CDK15: variants seen among roughly 807,000 people sequenced by gnomAD.
CDK15 encodes the protein cyclin dependent kinase 15.
CDK15 carries 62 observed loss-of-function variants against 60.3 expected under a neutral mutation model. The ratio of observed to expected loss-of-function variants is 1.03; its 90% CI spans 0.84 to 1.27. The LOEUF is 1.27. CDK15 is among the 50% of genes most tolerant of loss of function. The pLI, the probability that CDK15 is intolerant of heterozygous loss-of-function variation, is 0.00. For synonymous variants in CDK15, 194 were observed against 195.7 expected (o/e 0.99, Z 0.07); for missense variants, 541 against 527.8 (o/e 1.03, Z -0.25).
chr2:201,876,547 C>G, intron 11 of CDK15: 1 of 1,285,556 alleles, frequency 7.8e-7, no homozygotes, highest in Non-Finnish European at 1.0e-6. Context: ...CACTTGCCCG[C>G]TTTGCCCTGG....
intron 8 of CDK15, among the ~76,000 whole-genome samples, chr2:201,846,192 G>A (rs978279770): frequency 1.3e-5 from 2 of 151,972 alleles, no homozygotes; most frequent in African/African-American, 2.4e-5. Flanking sequence ...AAATGAGCCA[G>A]CATCAAAACG....
intron 10 of CDK15, chr2:201,861,133 G>C: frequency 9.7e-6 from 10 of 1,033,296 alleles, no homozygotes; most frequent in Non-Finnish European, 1.2e-5. Context: ...GTAAGTCCAA[G>C]CTCCCCCTTT....
At chr2:201,814,817 T>C (rs576032697) in intron 4 of CDK15, among the ~76,000 whole-genome samples, 3 of 152,218 alleles carry the variant, frequency 2.0e-5, no homozygotes, top group Non-Finnish European at 2.9e-5. Context: ...TTTTACTACA[T>C]ATATGGTCTC....
At chr2:201,858,269 A>G (rs1698230285) in intron 10 of CDK15, among the ~76,000 whole-genome samples, 1 of 152,356 alleles carries the variant, frequency 6.6e-6, no homozygotes, top group South Asian at 2.1e-4. Flanking sequence ...CCATCAATTC[A>G]GATTCTAGTG....
chr2:201,875,214 C>T (rs1353318542), intron 11 of CDK15, among the ~76,000 whole-genome samples: 1 of 152,138 alleles, frequency 6.6e-6, no homozygotes, highest in Non-Finnish European at 1.5e-5. Context: ...AGGATTGATA[C>T]ACAATTTTAA....
At chr2:201,807,725 A>G in intron 2 of CDK15, 82 bp downstream of exon 2, 1 of 1,583,440 alleles carries the variant, frequency 6.3e-7, no homozygotes, top group Non-Finnish European at 8.6e-7. Flanking sequence ...CAGGGCAATT[A>G]CTGAGCGAGC....
chr2:201,847,559 T>A (rs2105775222), intron 9 of CDK15, 85 bp downstream of exon 9: 2 of 1,098,418 alleles, frequency 1.8e-6, no homozygotes, highest in South Asian at 2.6e-5. Flanking sequence ...AATGAAGCAG[T>A]CCATCTGCTC....
intron 8 of CDK15, among the ~76,000 whole-genome samples, chr2:201,839,799 G>A (rs1574885435): frequency 6.6e-6 from 1 of 152,254 alleles, no homozygotes; most frequent in East Asian, 1.9e-4. Context: ...CTATAAGTTT[G>A]AAATTATTTC....
chr2:201,868,561 T>C (rs908077652), intron 10 of CDK15, among the ~76,000 whole-genome samples: 1 of 152,186 alleles, frequency 6.6e-6, no homozygotes, highest in African/African-American at 2.4e-5. Context: ...TTCAGGTGAA[T>C]ACCACCTTCA....
chr2:201,818,801 T>C (rs1285149964), intron 4 of CDK15, among the ~76,000 whole-genome samples: 1 of 152,048 alleles, frequency 6.6e-6, no homozygotes, highest in African/African-American at 2.4e-5. Flanking sequence ...GGGAGACAAC[T>C]AAAAGAAAGA....
chr2:201,869,634 A>G (rs1214629391), intron 10 of CDK15, among the ~76,000 whole-genome samples: 1 of 152,204 alleles, frequency 6.6e-6, no homozygotes, highest in East Asian at 1.9e-4. Flanking sequence ...AAACTGAAGC[A>G]GCAGAGTCTG....
chr2:201,874,043 G>A, intron 11 of CDK15, among the ~76,000 whole-genome samples: 1 of 137,810 alleles, frequency 7.3e-6, no homozygotes, highest in Non-Finnish European at 1.5e-5. Flanking sequence ...GACAGAGTGA[G>A]ACTCCGTCTC....
intron 7 of CDK15, among the ~76,000 whole-genome samples, chr2:201,835,188 C>G (rs1476163528): frequency 6.6e-6 from 1 of 152,302 alleles, no homozygotes; most frequent in East Asian, 1.9e-4. Flanking sequence ...CTGACCTAAG[C>G]AGGCAGAGCA....
chr2:201,809,105 G>T lies in CDK15; in HGVS notation c.368+1153G>T, dbSNP rs528314031. Among the ~76,000 whole-genome samples, 6 of 152,104 alleles carry T rather than the reference G, an allele frequency of 3.9e-5. No homozygotes were observed. The East Asian group carries it at 1.2e-3, about 29-fold the overall frequency. Reference sequence around the variant, plus strand: ...GTACCTTAACTTTTTTCAATGCTGAGAACATCTGCAATAAAGGACCACATT... The same window carrying T: ...GTACCTTAACTTTTTTCAATGCTGATAACATCTGCAATAAAGGACCACATT... On this transcript the variant is annotated intron_variant, in intron 3 of 13. Transcript: ENST00000652192.
intron 6 of CDK15, among the ~76,000 whole-genome samples, chr2:201,832,741 T>C (rs950519413): frequency 2.0e-5 from 3 of 152,228 alleles, no homozygotes; most frequent in Non-Finnish European, 4.4e-5. Context: ...TTGGCTCCAA[T>C]GTCTCCAGGT....
At chr2:201,858,148 G>A (rs1698223669) in intron 10 of CDK15, among the ~76,000 whole-genome samples, 1 of 152,148 alleles carries the variant, frequency 6.6e-6, no homozygotes, top group Non-Finnish European at 1.5e-5. Flanking sequence ...GGACAGCAAA[G>A]TTTCCATTTG....
At chr2:201,845,975 A>G (rs557032564) in intron 8 of CDK15, among the ~76,000 whole-genome samples, 47 of 152,206 alleles carry the variant, frequency 3.1e-4, no homozygotes, top group African/African-American at 1.0e-3. Context: ...TTATTAGCAA[A>G]ATAAATCTTA....
intron 11 of CDK15, chr2:201,876,519 C>T (rs1306397377): frequency 1.6e-5 from 19 of 1,223,176 alleles, no homozygotes; most frequent in Non-Finnish European, 2.0e-5. Flanking sequence ...ACACTTGGCT[C>T]CTAGGAGGAA....
intron 4 of CDK15, among the ~76,000 whole-genome samples, chr2:201,816,457 T>TG: frequency 1.9e-4 from 2 of 10,640 alleles, no homozygotes; most frequent in African/African-American, 6.7e-4. Flanking sequence ...AGGAAATGGT[T>TG]TTTTTTTTTT....
Sources: allele counts gnomAD v4.1 joint callset (sites outside exome capture counted in the v4.1 genomes callset), GRCh38; gene constraint gnomAD v4.1.1; transcripts MANE v1.5; gene names NCBI Gene and HGNC (gene_info 2026-07-23, HGNC 2026-07-21).